RAD21L1: variants seen among roughly 807,000 people sequenced by gnomAD.
RAD21L1 encodes the protein RAD21 cohesin complex component like 1.
A neutral mutation model predicts 69.0 loss-of-function variants in RAD21L1; 47 were observed. The ratio of observed to expected loss-of-function variants is 0.68; its 90% CI spans 0.54 to 0.87. The LOEUF (loss-of-function observed/expected upper bound fraction) is 0.87, where lower values mean the gene tolerates loss of function less well. Among genes scored for constraint, RAD21L1 ranks in the 40% least tolerant of loss-of-function variants. The pLI is 0.00. For missense variants in RAD21L1, 583 were observed against 647.6 expected (o/e 0.90, Z 1.08); for synonymous variants, 177 against 205.8 (o/e 0.86, Z 1.20).
chr20:1,242,849 A>G lies in RAD21L1; in HGVS notation c.1083+4A>G, dbSNP rs570523388. On this transcript the variant is annotated splice_donor_region_variant and intron_variant, in intron 9 of 13. Transcript: ENST00000683101. Reference sequence around the variant, plus strand: ...GATTCATGCTGAACTGAAAATGGTAACGGTTCCTACCCTTCTACATGTGAG... The same window carrying G: ...GATTCATGCTGAACTGAAAATGGTAGCGGTTCCTACCCTTCTACATGTGAG... 1 of 1,534,834 alleles carries G rather than the reference A, an allele frequency of 6.5e-7. No homozygotes were observed. The highest frequency in any genetic ancestry group is 1.4e-5 in the African/African-American group (1 of 72,768).
At position 1,240,434 on chromosome 20, in the gene RAD21L1, G is replaced by A. The variant is rs1298734213; in HGVS notation, c.856G>A (p.Asp286Asn). Reference protein sequence around the residue: ...GFTLDPIDISDIAEKRKGKKR... With the variant: ...GFTLDPIDISNIAEKRKGKKR... Reference sequence around the variant, plus strand: ...TACCCTTGATCCAATTGATATTTCAGGTCAGAGGCATTTACGGTTTTGTTT... The same window carrying A: ...TACCCTTGATCCAATTGATATTTCAAGTCAGAGGCATTTACGGTTTTGTTT... The change falls in exon 8 of 14, where the codon GAC (aspartate) becomes AAC (asparagine). Residue 286 changes from aspartate to asparagine, a missense_variant and splice_region_variant. Asp to Asn is a conservative substitution (Grantham distance 23). Transcript: ENST00000683101. 1 of 1,535,974 alleles carries A rather than the reference G, an allele frequency of 6.5e-7. No homozygotes were observed. Among genetic ancestry groups the A allele is most frequent in the African/African-American group, 1.4e-5 (1 of 72,202 alleles).
intron 5 of RAD21L1, among the ~76,000 whole-genome samples, chr20:1,236,887 A>G (rs2087504707): frequency 6.6e-6 from 1 of 152,230 alleles, no homozygotes; most frequent in African/African-American, 2.4e-5. Flanking sequence ...GTGATGTTCA[A>G]TGCTGAGAAT....
chr20:1,234,246 T>C, intron 5 of RAD21L1, 55 bp downstream of exon 5: 1 of 830,148 alleles, frequency 1.2e-6, no homozygotes, highest in East Asian at 2.7e-5. Flanking sequence ...TATTTGTATT[T>C]GTGTATTGAA....
At chr20:1,251,323 G>A (rs553935637) in intron 13 of RAD21L1, among the ~76,000 whole-genome samples, 17 of 147,816 alleles carry the variant, frequency 1.2e-4, no homozygotes, top group Non-Finnish European at 2.2e-4. Context: ...ATCTATTATT[G>A]TTATTATTAT....
intron 5 of RAD21L1, among the ~76,000 whole-genome samples, chr20:1,237,195 TG>T (rs1600221178): frequency 6.6e-6 from 1 of 152,208 alleles, no homozygotes; most frequent in East Asian, 1.9e-4. Flanking sequence ...CTTGGACCTC[TG>T]GGGTTTCAGA....
chr20:1,234,377 A>G (rs1376358941), intron 5 of RAD21L1, among the ~76,000 whole-genome samples, 186 bp downstream of exon 5: 1 of 152,160 alleles, frequency 6.6e-6, no homozygotes, highest in African/African-American at 2.4e-5. Flanking sequence ...CTTAGGATAT[A>G]CTTCTATTCT....
chr20:1,240,284 T>G, intron 7 of RAD21L1, 37 bp from the exon 8 acceptor site: 2 of 1,507,496 alleles, frequency 1.3e-6, no homozygotes, highest in Non-Finnish European at 1.8e-6. Flanking sequence ...TCCTAACTGG[T>G]TTTTTTTACA....
At chr20:1,239,759 T>C (rs1392387739) in intron 7 of RAD21L1, among the ~76,000 whole-genome samples, 2 of 152,236 alleles carry the variant, frequency 1.3e-5, no homozygotes, top group African/African-American at 4.8e-5. Context: ...TTTTCCCTAT[T>C]TGAAATTCAT....
chr20:1,236,198 C>G (rs2087492306), intron 5 of RAD21L1, among the ~76,000 whole-genome samples: 1 of 152,284 alleles, frequency 6.6e-6, no homozygotes, highest in South Asian at 2.1e-4. Context: ...ATATAGTTCA[C>G]CAGTACCAAA....
intron 4 of RAD21L1, among the ~76,000 whole-genome samples, chr20:1,232,448 C>T (rs2087410853): frequency 6.6e-6 from 1 of 152,134 alleles, no homozygotes. Flanking sequence ...GTAAGAAGTC[C>T]AGATAAGAGA....
chr20:1,240,413 C>A lies in RAD21L1; in HGVS notation c.835C>A (p.Leu279Ile). Residue 279 changes from leucine to isoleucine, a missense_variant, in exon 8 of 14, where the codon CTT (leucine) becomes ATT (isoleucine). Leu to Ile is a conservative substitution (Grantham distance 5). Coordinates refer to ENST00000683101, the MANE Select transcript of RAD21L1 (RefSeq NM_001384355.1). ...ATCAACTGAAGAGGAAGGATTTACC[C>A]TTGATCCAATTGATATTTCAGGTCA... Reference protein sequence around the residue: ...LLSTEEEGFTLDPIDISDIAE... With the variant: ...LLSTEEEGFTIDPIDISDIAE... 6.5e-7 allele frequency: 1 copy of A among 1,543,558 alleles called. No homozygotes were observed. The highest frequency in any genetic ancestry group is 8.7e-7 in the Non-Finnish European group (1 of 1,144,442).
At chr20:1,242,382 G>A (rs1367794956) in intron 8 of RAD21L1, among the ~76,000 whole-genome samples, 2 of 152,092 alleles carry the variant, frequency 1.3e-5, no homozygotes, top group African/African-American at 4.8e-5. Context: ...ACAGGTGCGT[G>A]CTACCATGTG....
At chr20:1,235,587 T>C (rs1299360707) in intron 5 of RAD21L1, among the ~76,000 whole-genome samples, 1 of 152,156 alleles carries the variant, frequency 6.6e-6, no homozygotes, top group African/African-American at 2.4e-5. Context: ...ATTTCTGTAT[T>C]TTCTTTCTTG....
chr20:1,237,257 G>T (rs1568519234), intron 5 of RAD21L1, among the ~76,000 whole-genome samples: 1 of 152,124 alleles, frequency 6.6e-6, no homozygotes, highest in Admixed American at 6.6e-5. Context: ...CTGATGTCTG[G>T]TCAAGAGCTG....
intron 2 of RAD21L1, among the ~76,000 whole-genome samples, chr20:1,229,059 TTTAAG>T (rs1176134767): frequency 3.9e-5 from 6 of 152,334 alleles, no homozygotes; most frequent in East Asian, 1.9e-4. Context: ...TTAATATTGT[TTTAAG>T]TTAAGTATTT....
At chr20:1,245,631 A>C (rs958064104) in intron 11 of RAD21L1, among the ~76,000 whole-genome samples, 1 of 152,042 alleles carries the variant, frequency 6.6e-6, no homozygotes, top group Non-Finnish European at 1.5e-5. Context: ...GATGATAGGG[A>C]CTAGGAAATC....
intron 1 of RAD21L1, among the ~76,000 whole-genome samples, chr20:1,227,742 CT>C (rs1282201222): frequency 1.3e-5 from 2 of 152,124 alleles, no homozygotes; most frequent in African/African-American, 4.8e-5. Context: ...TGAAGGTTTT[CT>C]TTTATCGTTC....
In RAD21L1 at chr20:1,232,763, T is replaced by C. The variant is rs1034528217; in HGVS notation, c.368+1144T>C. ...CATGTGTTCCCCTAAAATTCATATG[T>C]TGAAACCTAACCTTCAAGGTGATGG... On this transcript the variant is annotated intron_variant, in intron 4 of 13. Coordinates refer to ENST00000683101, the MANE Select transcript of RAD21L1 (RefSeq NM_001384355.1). Among the ~76,000 whole-genome samples, 10 of 152,292 alleles carry C rather than the reference T, an allele frequency of 6.6e-5. No individual in the cohort carries two copies. In the East Asian group the frequency reaches 1.9e-3, roughly 29 times the overall value.
At chr20:1,253,554 C>T (rs536503123) in intron 13 of RAD21L1, among the ~76,000 whole-genome samples, 62 of 152,330 alleles carry the variant, frequency 4.1e-4, no homozygotes, top group Non-Finnish European at 7.8e-4. Context: ...TCCTCGGCCT[C>T]CCAAAGTGCT....
Sources: gnomAD v4.1 joint callset for allele counts (sites outside exome capture counted in the v4.1 genomes callset) on GRCh38, gnomAD v4.1.1 for gene constraint, MANE v1.5 for transcripts, NCBI Gene and HGNC (gene_info 2026-07-23, HGNC 2026-07-21) for gene names.